Variants in AKAP13 observed in about 807,000 individuals in gnomAD.
AKAP13 encodes the protein A-kinase anchor protein 13.
Under a neutral mutation model 264.5 loss-of-function variants are expected in AKAP13, and 80 were observed. The observed-to-expected ratio is 0.30, with a 90% CI of 0.25 to 0.36. AKAP13 has a LOEUF of 0.36. Ranked by LOEUF, AKAP13 falls within the 10% of genes least tolerant of loss-of-function variation. AKAP13 has a pLI of 1.00. For missense variants in AKAP13, 3,712 were observed against 3,435.2 expected (o/e 1.08, Z -2.01); for synonymous variants, 1,380 against 1,250.2 (o/e 1.10, Z -2.19).
At chr15:85,435,014 A>T (rs376300439) in intron 1 of AKAP13, among the ~76,000 whole-genome samples, 36,353 of 148,444 alleles carry the variant, frequency 0.24, 5,904 homozygotes, top group Non-Finnish European at 0.37. Flanking sequence ...CAGACAATCA[A>T]ATTACTCTGA....
chr15:85,651,962 T>A lies in AKAP13; in HGVS notation c.4375-3455T>A, dbSNP rs148481271. 6.3e-3 allele frequency among the ~76,000 whole-genome samples: 956 copies of A among 152,356 alleles called. 11 individuals carry two copies. Among genetic ancestry groups the A allele is most frequent in the African/African-American group, 0.022 (899 of 41,590 alleles). On this transcript the variant is annotated intron_variant, in intron 10 of 36. Transcript: ENST00000394518. Reference sequence around the variant, plus strand: ...TACCATTTTACATTTTCACCAGTGATGTTTTGTTTTCCTTTTTCAAGTAAT... The same window carrying A: ...TACCATTTTACATTTTCACCAGTGAAGTTTTGTTTTCCTTTTTCAAGTAAT...
chr15:85,710,155 T>C (rs532018562), intron 18 of AKAP13, among the ~76,000 whole-genome samples: 1 of 152,194 alleles, frequency 6.6e-6, no homozygotes, highest in Non-Finnish European at 1.5e-5. Context: ...AAATGCTAGT[T>C]ACTGGAAATG....
chr15:85,402,535 A>C (rs766276291), intron 1 of AKAP13, among the ~76,000 whole-genome samples: 1 of 152,232 alleles, frequency 6.6e-6, no homozygotes, highest in Non-Finnish European at 1.5e-5. Context: ...TTAACTGCCC[A>C]TGAGATAGTT....
chr15:85,430,234 T>A (rs1268466296), intron 1 of AKAP13, among the ~76,000 whole-genome samples: 1 of 152,254 alleles, frequency 6.6e-6, no homozygotes, highest in African/African-American at 2.4e-5. Context: ...TTGTTTACTA[T>A]AATGGGCTAA....
chr15:85,661,918 AAC>A (rs1190954221), intron 12 of AKAP13, among the ~76,000 whole-genome samples: 8 of 141,124 alleles, frequency 5.7e-5, no homozygotes, highest in South Asian at 2.2e-4. Context: ...AAAAAAAAAA[AAC>A]CGGATGACTC....
chr15:85,728,502 C>T (rs2087753687), intron 29 of AKAP13, among the ~76,000 whole-genome samples: 1 of 152,196 alleles, frequency 6.6e-6, no homozygotes, highest in Non-Finnish European at 1.5e-5. Context: ...GCAAAGATTC[C>T]TTAAAAAGAG....
intron 1 of AKAP13, among the ~76,000 whole-genome samples, chr15:85,442,523 AT>A (rs1243581875): frequency 4.4e-5 from 5 of 112,376 alleles, no homozygotes; most frequent in Non-Finnish European, 7.4e-5. Flanking sequence ...TATATATTAT[AT>A]TATATATAAT....
At chr15:85,513,808 C>G (rs1158731420) in intron 2 of AKAP13, among the ~76,000 whole-genome samples, 1 of 88,378 alleles carries the variant, frequency 1.1e-5, no homozygotes, top group South Asian at 2.8e-4. Context: ...AGTGCCCTCT[C>G]CTCTTGCTTA....
intron 2 of AKAP13, among the ~76,000 whole-genome samples, chr15:85,512,813 T>TTATGTATGTATG (rs146236698): frequency 1.4e-5 from 2 of 145,746 alleles, no homozygotes; most frequent in Non-Finnish European, 3.0e-5. Flanking sequence ...TTGACTATTT[T>TTATGTATGTATG]TATGTATGTA....
In AKAP13 at chr15:85,747,616, CAT is replaced by C. The variant is rs764432433; in HGVS notation, c.*2940_*2941del. On this transcript the variant is annotated 3_prime_UTR_variant, in exon 37 of 37. Transcript: ENST00000394518. ...CATCTCAGTCGTTGTCGTTAGGTGA[CAT>C]GTGCACTTTAAATGCTCTCATCGGT... 13 of 152,744 alleles carry C rather than the reference CAT, an allele frequency of 8.5e-5. No homozygotes were observed. Among genetic ancestry groups the C allele is most frequent in the South Asian group, 2.1e-4 (1 of 4,822 alleles). 9.5% of individuals were successfully genotyped at this position (152,744 alleles called of 1,614,324 possible). A position where few individuals can be genotyped will look rare whatever the true frequency, so the allele number is the denominator to read the frequency against.
Position 85,388,996 on chromosome 15 carries a change from G to A in AKAP13, c.-12+8198G>A, listed in dbSNP as rs947981362. Among the ~76,000 whole-genome samples the A allele has an allele frequency of 2.0e-5, 3 of 152,158 alleles. No homozygotes were observed. The South Asian group carries it at 6.2e-4, about 32-fold the overall frequency. On this transcript the variant is annotated intron_variant, in intron 1 of 36. Transcript: ENST00000394518. The stretch of plus-strand genomic sequence containing the variant: ...CCCATTACTAAGGCATGAAGCTCCT[G>A]TAGTTTTCATTGAAGAATTGGGCTC...
At chr15:85,641,643 A>G (rs1450524858) in intron 9 of AKAP13, among the ~76,000 whole-genome samples, 2 of 150,636 alleles carry the variant, frequency 1.3e-5, no homozygotes, top group East Asian at 4.0e-4. Context: ...CTGCCACCAC[A>G]CCCGGCTAAT....
At chr15:85,741,697 T>TA (rs56782497) in intron 35 of AKAP13, among the ~76,000 whole-genome samples, 1,939 of 106,242 alleles carry the variant, frequency 0.018, 32 homozygotes, top group African/African-American at 0.051. Context: ...CTGTCTCTCC[T>TA]AAAAAAAAAA....
chr15:85,413,959 T>C (rs1322621656), intron 1 of AKAP13, among the ~76,000 whole-genome samples: 1 of 152,238 alleles, frequency 6.6e-6, no homozygotes, highest in Non-Finnish European at 1.5e-5. Context: ...AATTATACTT[T>C]TTTATACTCA....
At chr15:85,535,220 A>G (rs1474002490) in intron 4 of AKAP13, 9 of 152,186 alleles carry the variant, frequency 5.9e-5, no homozygotes, top group African/African-American at 2.2e-4. Flanking sequence ...ACTCAGATGA[A>G]TTTTGTCTTC....
At chr15:85,444,502 C>G (rs539875072) in intron 1 of AKAP13, among the ~76,000 whole-genome samples, 1 of 152,308 alleles carries the variant, frequency 6.6e-6, no homozygotes, top group South Asian at 2.1e-4. Context: ...CAGAACGAAT[C>G]TACATGGGAG....
intron 5 of AKAP13, among the ~76,000 whole-genome samples, chr15:85,556,346 T>TA (rs1567122788): frequency 6.6e-6 from 1 of 152,210 alleles, no homozygotes; most frequent in Non-Finnish European, 1.5e-5. Context: ...TCACTGCAGA[T>TA]ATGCAGTGCA....
At chr15:85,385,785 A>C (rs2070528295) in intron 1 of AKAP13, among the ~76,000 whole-genome samples, 1 of 152,040 alleles carries the variant, frequency 6.6e-6, no homozygotes, top group African/African-American at 2.4e-5. Context: ...ATTTGCAGAT[A>C]TTTTCTCCTA....
intron 10 of AKAP13, among the ~76,000 whole-genome samples, chr15:85,653,682 T>C (rs1365112018): frequency 2.6e-5 from 4 of 152,236 alleles, no homozygotes. Context: ...ACCATAATTT[T>C]TTTTTACCCT....
Sources: allele counts gnomAD v4.1 joint callset (sites outside exome capture counted in the v4.1 genomes callset), GRCh38; gene constraint gnomAD v4.1.1; transcripts MANE v1.5; gene names NCBI Gene and HGNC (gene_info 2026-07-23, HGNC 2026-07-21).